RBFOX1: variants seen among roughly 807,000 people sequenced by gnomAD.
The protein encoded by RBFOX1 is RNA binding protein fox-1 homolog 1.
Under a neutral mutation model 57.7 loss-of-function variants are expected in RBFOX1, and 8 were observed. That is an observed-to-expected ratio of 0.14 (90% CI 0.08 to 0.25). RBFOX1 has a LOEUF of 0.25. Ranked by LOEUF, RBFOX1 falls within the 10% of genes least tolerant of loss-of-function variation. The probability of loss-of-function intolerance (pLI) is 1.00; values close to 1 mark genes in which losing one functional copy is unlikely to be tolerated. For synonymous variants in RBFOX1, 326 were observed against 222.4 expected, an observed-to-expected ratio of 1.47 and a Z score of -4.15; for missense variants, 611 against 548.5, an observed-to-expected ratio of 1.11 and a Z score of -1.14.
chr16:7,282,559 C>CTTT (rs111692571), intron 4 of RBFOX1, among the ~76,000 whole-genome samples: 4,162 of 149,556 alleles, frequency 0.028, 95 homozygotes, highest in East Asian at 0.12. Flanking sequence ...GTTGATTAAG[C>CTTT]TTTTTTTTTT....
chr16:5,873,525 G>C (rs1043627616), intron 4 of RBFOX1, among the ~76,000 whole-genome samples: 2 of 152,236 alleles, frequency 1.3e-5, no homozygotes, highest in African/African-American at 4.8e-5. Context: ...AGAATTCTCA[G>C]TTGGAGATAT....
chr16:6,775,441 C>G (rs1372492936), intron 3 of RBFOX1, among the ~76,000 whole-genome samples: 1 of 149,298 alleles, frequency 6.7e-6, no homozygotes, highest in Non-Finnish European at 1.5e-5. Context: ...ATTTTAACAT[C>G]TTGTCTTGCC....
intron 3 of RBFOX1, among the ~76,000 whole-genome samples, chr16:5,647,254 C>A (rs886953101): frequency 9.2e-5 from 14 of 152,304 alleles, no homozygotes; most frequent in Admixed American, 3.9e-4. Flanking sequence ...TGAGGTCATT[C>A]ACCCAGGGCC....
chr16:6,884,643 A>T (rs2063610669), intron 3 of RBFOX1, among the ~76,000 whole-genome samples: 1 of 152,122 alleles, frequency 6.6e-6, no homozygotes, highest in Middle Eastern at 3.2e-3. Context: ...TCACACCTGT[A>T]ATCCCAGCAC....
intron 4 of RBFOX1, among the ~76,000 whole-genome samples, chr16:7,426,674 G>A (rs182489372): frequency 7.2e-5 from 11 of 152,298 alleles, no homozygotes; most frequent in East Asian, 1.9e-4. Flanking sequence ...ACAAGAAGGG[G>A]ACATGATGCG....
At chr16:6,457,602 C>A (rs564112864) in intron 2 of RBFOX1, among the ~76,000 whole-genome samples, 8 of 152,246 alleles carry the variant, frequency 5.3e-5, no homozygotes, top group African/African-American at 1.2e-4. Context: ...CATTAAATCG[C>A]CAGGGGTATT....
intron 1 of RBFOX1, among the ~76,000 whole-genome samples, chr16:5,338,966 G>T (rs2064967381): frequency 6.6e-6 from 1 of 151,992 alleles, no homozygotes; most frequent in South Asian, 2.1e-4. Flanking sequence ...ATACATTGTG[G>T]ATGACTAAAT....
At chr16:5,281,653 A>C (rs1230122858) in intron 1 of RBFOX1, among the ~76,000 whole-genome samples, 2 of 152,168 alleles carry the variant, frequency 1.3e-5, no homozygotes, top group Non-Finnish European at 2.9e-5. Flanking sequence ...TTTGTTGCTG[A>C]ATTGATCCCT....
chr16:7,295,767 C>T lies in RBFOX1; in HGVS notation c.28-222380C>T, dbSNP rs1049637463. Among the ~76,000 whole-genome samples the T allele has an allele frequency of 3.9e-5, 6 of 152,094 alleles. No individual in the cohort carries two copies. In the East Asian group the frequency reaches 7.8e-4, roughly 20 times the overall value. On this transcript the variant is annotated intron_variant, in intron 4 of 15. Coordinates refer to ENST00000550418, the MANE Select transcript of RBFOX1 (RefSeq NM_018723.4). ...AGTTCCCAAATACCCCATCGCAACTCCATATTTCAGGTGGCCTTGAACGAG... is the reference window on the plus strand; with the variant it reads ...AGTTCCCAAATACCCCATCGCAACTTCATATTTCAGGTGGCCTTGAACGAG...
chr16:5,987,065 A>T, intron 4 of RBFOX1, among the ~76,000 whole-genome samples: 1 of 152,090 alleles, frequency 6.6e-6, no homozygotes, highest in Non-Finnish European at 1.5e-5. Flanking sequence ...TTTTTTTGCT[A>T]TTCTTACAGG....
At chr16:6,711,063 G>C (rs911301478) in intron 3 of RBFOX1, among the ~76,000 whole-genome samples, 14 of 152,152 alleles carry the variant, frequency 9.2e-5, no homozygotes, top group African/African-American at 3.1e-4. Context: ...GATTGCTTAG[G>C]CCAAAACTCT....
chr16:6,621,814 T>A (rs1473790626), intron 2 of RBFOX1, among the ~76,000 whole-genome samples: 1 of 152,062 alleles, frequency 6.6e-6, no homozygotes, highest in Non-Finnish European at 1.5e-5. Context: ...ACATACCATT[T>A]AAAGACCACA....
At chr16:7,577,547 G>C (rs2093432888) in intron 5 of RBFOX1, among the ~76,000 whole-genome samples, 1 of 152,242 alleles carries the variant, frequency 6.6e-6, no homozygotes, top group Admixed American at 6.5e-5. Context: ...ACCTCCAGCA[G>C]TGTCATATGA....
intron 3 of RBFOX1, among the ~76,000 whole-genome samples, chr16:6,656,193 A>G (rs536865800): frequency 6.6e-6 from 1 of 152,212 alleles, no homozygotes; most frequent in African/African-American, 2.4e-5. Flanking sequence ...CAGCCGAATC[A>G]TTCCGCTCAT....
chr16:7,460,895 C>T (rs1364977863), intron 4 of RBFOX1, among the ~76,000 whole-genome samples: 2 of 152,006 alleles, frequency 1.3e-5, no homozygotes. Flanking sequence ...TTACAAGTTC[C>T]CTAGTGATAT....
intron 4 of RBFOX1, among the ~76,000 whole-genome samples, chr16:5,873,198 A>G (rs1373591198): frequency 1.3e-5 from 2 of 152,174 alleles, no homozygotes; most frequent in East Asian, 3.8e-4. Context: ...CAAAACAATA[A>G]TTAAATAACC....
At chr16:7,305,380 C>T (rs962503539) in intron 4 of RBFOX1, among the ~76,000 whole-genome samples, 3 of 152,134 alleles carry the variant, frequency 2.0e-5, no homozygotes, top group Admixed American at 1.3e-4. Context: ...GACAGGCCAG[C>T]TCTCTGTCAT....
chr16:5,481,367 G>A (rs13337056), intron 2 of RBFOX1, among the ~76,000 whole-genome samples: 7,589 of 152,202 alleles, frequency 0.05, 400 homozygotes, highest in African/African-American at 0.13. Context: ...AATAGGCTGC[G>A]CTGATGGACT....
intron 3 of RBFOX1, among the ~76,000 whole-genome samples, chr16:6,903,938 G>A (rs137972533): frequency 6.6e-6 from 1 of 152,054 alleles, no homozygotes; most frequent in Non-Finnish European, 1.5e-5. Context: ...AAAGGAGGCT[G>A]GCACCATTTG....
Sources: allele counts gnomAD v4.1 joint callset (sites outside exome capture counted in the v4.1 genomes callset), GRCh38; gene constraint gnomAD v4.1.1; transcripts MANE v1.5; gene names NCBI Gene and HGNC (gene_info 2026-07-23, HGNC 2026-07-21).